Variants in DCDC1 observed in about 807,000 individuals in gnomAD.
DCDC1 encodes doublecortin domain containing 1.
A neutral mutation model predicts 178.3 loss-of-function variants in DCDC1; 200 were observed. That is an observed-to-expected ratio of 1.12 (90% CI 1.00 to 1.26). The LOEUF (loss-of-function observed/expected upper bound fraction) is 1.26, where lower values mean the gene tolerates loss of function less well. Ranked by LOEUF, DCDC1 falls within the 50% of genes most tolerant of loss-of-function variation. The pLI, the probability that DCDC1 is intolerant of heterozygous loss-of-function variation, is 0.00. For synonymous variants in DCDC1, 690 were observed against 604.8 expected (o/e 1.14, Z -2.07); for missense variants, 1,983 against 1,749.2 (o/e 1.13, Z -2.38).
At chr11:30,925,714 A>T (rs1415649958) in intron 22 of DCDC1, among the ~76,000 whole-genome samples, 1 of 152,306 alleles carries the variant, frequency 6.6e-6, no homozygotes, top group Admixed American at 6.5e-5. Flanking sequence ...ACCAATAAAT[A>T]GCTAGACACA....
At chr11:31,101,514 C>T (rs1206425814) in intron 15 of DCDC1, among the ~76,000 whole-genome samples, 1 of 152,064 alleles carries the variant, frequency 6.6e-6, no homozygotes, top group Non-Finnish European at 1.5e-5. Flanking sequence ...AGATCAGATC[C>T]TAAACTATAG....
In DCDC1 at chr11:31,191,995, CT is replaced by C. The variant is rs551877660; in HGVS notation, c.1221+49454del. On this transcript the variant is annotated intron_variant, in intron 9 of 38. Coordinates refer to ENST00000684477, the MANE Select transcript of DCDC1 (RefSeq NM_001387274.1). The stretch of plus-strand genomic sequence containing the variant: ...GGTAGGACCTCAGTAAGCAGATAGG[CT>C]TCCCTACTTGGATAAATGGCACAAT... 6.6e-5 allele frequency among the ~76,000 whole-genome samples: 10 copies of C among 152,170 alleles called. No individual in the cohort carries two copies. In the South Asian group the frequency reaches 1.4e-3, roughly 22 times the overall value.
intron 6 of DCDC1, among the ~76,000 whole-genome samples, chr11:31,293,419 A>C (rs1259168869): frequency 6.6e-6 from 1 of 152,146 alleles, no homozygotes; most frequent in Non-Finnish European, 1.5e-5. Context: ...CAAGATTTAG[A>C]GAATCTTACC....
intron 9 of DCDC1, among the ~76,000 whole-genome samples, chr11:31,170,102 CT>C (rs1967026289): frequency 6.6e-6 from 1 of 152,074 alleles, no homozygotes; most frequent in African/African-American, 2.4e-5. Context: ...TAGATGTATG[CT>C]TTAGAAAGTA....
chr11:31,072,552 T>C (rs745681922), intron 18 of DCDC1, among the ~76,000 whole-genome samples: 4 of 152,158 alleles, frequency 2.6e-5, no homozygotes, highest in Non-Finnish European at 4.4e-5. Context: ...ACTATTACAC[T>C]GGATTAGATG....
intron 20 of DCDC1, among the ~76,000 whole-genome samples, chr11:30,975,573 G>A (rs1950057095): frequency 1.3e-5 from 2 of 151,846 alleles, no homozygotes. Context: ...TATACCAAAC[G>A]TGAACTAGCT....
At chr11:31,102,429 C>T in intron 14 of DCDC1, 147 bp from the exon 15 acceptor site, 1 of 454,514 alleles carries the variant, frequency 2.2e-6, no homozygotes, top group Non-Finnish European at 4.0e-6. Context: ...CTGGAAAGTA[C>T]CAGCAGTCAT....
intron 36 of DCDC1, among the ~76,000 whole-genome samples, chr11:30,888,098 A>AAAAG (rs59770180): frequency 0.092 from 9,677 of 105,136 alleles, 602 homozygotes; most frequent in East Asian, 0.14. Context: ...GAAAGAAAGA[A>AAAAG]AAAGAAAGAA....
At position 31,002,161 on chromosome 11, in the gene DCDC1, G is replaced by A. The variant is rs184880928; in HGVS notation, c.2592-49593C>T. 4.6e-5 allele frequency among the ~76,000 whole-genome samples: 7 copies of A among 152,282 alleles called. No homozygotes were observed. The East Asian group carries it at 5.8e-4, about 13-fold the overall frequency. On this transcript the variant is annotated intron_variant, in intron 20 of 38. Coordinates refer to ENST00000684477, the MANE Select transcript of DCDC1 (RefSeq NM_001387274.1). ...TATGACTTACACATTAATAGGCACA[G>A]AATGGATATAAAAGTAAAAAATTTA...
At chr11:30,962,461 T>C (rs1949157633) in intron 20 of DCDC1, among the ~76,000 whole-genome samples, 1 of 152,032 alleles carries the variant, frequency 6.6e-6, no homozygotes, top group Non-Finnish European at 1.5e-5. Context: ...TTTCTAAGAA[T>C]AAGAAATCAT....
Position 31,361,756 on chromosome 11 carries a change from C to T in DCDC1, c.-125+7941G>A, listed in dbSNP as rs1951720230. On this transcript the variant is annotated intron_variant, in intron 1 of 38. Transcript: ENST00000684477. Reference sequence around the variant, plus strand: ...TCAGCCTCCCAAAGTGCTGGGATTACAGGCGTGAGCCAGCGCACCCAGCCC... The same window carrying T: ...TCAGCCTCCCAAAGTGCTGGGATTATAGGCGTGAGCCAGCGCACCCAGCCC... Among the ~76,000 whole-genome samples, 4 of 152,220 alleles carry T rather than the reference C, an allele frequency of 2.6e-5. No homozygotes were observed. The South Asian group carries it at 6.2e-4, about 24-fold the overall frequency.
intron 3 of DCDC1, among the ~76,000 whole-genome samples, chr11:31,321,746 CA>C (rs1406237855): frequency 2.6e-5 from 4 of 152,162 alleles, no homozygotes; most frequent in Non-Finnish European, 5.9e-5. Context: ...GTACTCCCTT[CA>C]AAAAATAAAT....
At chr11:31,001,592 T>C (rs1951582918) in intron 20 of DCDC1, among the ~76,000 whole-genome samples, 1 of 152,162 alleles carries the variant, frequency 6.6e-6, no homozygotes, top group Non-Finnish European at 1.5e-5. Context: ...TGAAGACAAA[T>C]GCTGTTTGAC....
At chr11:30,878,416 T>C in intron 38 of DCDC1, 128 bp downstream of exon 38, 1 of 881,572 alleles carries the variant, frequency 1.1e-6, no homozygotes, top group East Asian at 3.2e-5. Flanking sequence ...ATTGTGCCAC[T>C]ACACTCCAGC....
intron 9 of DCDC1, among the ~76,000 whole-genome samples, chr11:31,220,899 C>T (rs1321705423): frequency 6.6e-6 from 1 of 152,090 alleles, no homozygotes; most frequent in African/African-American, 2.4e-5. Context: ...CTGCTGTGTC[C>T]TCACATGGTA....
At chr11:30,910,270 A>G (rs1945352312) in intron 28 of DCDC1, among the ~76,000 whole-genome samples, 2 of 152,312 alleles carry the variant, frequency 1.3e-5, no homozygotes, top group African/African-American at 2.4e-5. Context: ...GAAACCATCC[A>G]TATCTATAAT....
chr11:31,008,082 C>T (rs1050863838), intron 20 of DCDC1, among the ~76,000 whole-genome samples: 1 of 152,160 alleles, frequency 6.6e-6, no homozygotes, highest in Non-Finnish European at 1.5e-5. Flanking sequence ...AACGCATCTC[C>T]TTTGCAATGG....
At position 30,872,607 on chromosome 11, in the gene DCDC1, C is replaced by T. The variant is rs143512841; in HGVS notation, c.*40+5937G>A. ...TTCCTTTGGTAGCTTGAGCATGCCACGCTCTTTCCTGATTCTCACCTCTGC... is the reference window on the plus strand; with the variant it reads ...TTCCTTTGGTAGCTTGAGCATGCCATGCTCTTTCCTGATTCTCACCTCTGC... On this transcript the variant is annotated intron_variant, in intron 38 of 38. Coordinates refer to ENST00000684477, the MANE Select transcript of DCDC1 (RefSeq NM_001387274.1). 2.6e-3 allele frequency among the ~76,000 whole-genome samples: 390 copies of T among 152,246 alleles called. 2 individuals carry two copies. The highest frequency in any genetic ancestry group is 8.7e-3 in the African/African-American group (361 of 41,552).
intron 34 of DCDC1, among the ~76,000 whole-genome samples, chr11:30,896,503 A>T (rs1352080154): frequency 1.3e-5 from 2 of 152,148 alleles, no homozygotes; most frequent in Non-Finnish European, 2.9e-5. Context: ...TCGCTGTCTT[A>T]TTGGGAGGCC....
Sources: allele counts gnomAD v4.1 joint callset (sites outside exome capture counted in the v4.1 genomes callset), GRCh38; gene constraint gnomAD v4.1.1; transcripts MANE v1.5; gene names NCBI Gene and HGNC (gene_info 2026-07-23, HGNC 2026-07-21).